PARD3: variants seen among roughly 807,000 people sequenced by gnomAD.
PARD3 encodes the protein par-3 family cell polarity regulator.
PARD3 carries 75 observed loss-of-function variants against 155.4 expected under a neutral mutation model. The observed-to-expected ratio is 0.48, with a 90% confidence interval of 0.40 to 0.58. The LOEUF is 0.58. Among genes scored for constraint, PARD3 ranks in the 20% least tolerant of loss-of-function variants. PARD3 has a pLI of 0.00. For missense variants in PARD3, 1,642 were observed against 1,721.7 expected (o/e 0.95, Z 0.82); for synonymous variants, 576 against 610.5 (o/e 0.94, Z 0.83).
intron 2 of PARD3, chr10:34,675,506 G>C (rs2093688476): frequency 6.6e-6 from 1 of 151,920 alleles, no homozygotes; most frequent in Admixed American, 6.6e-5. Flanking sequence ...GCTATAAACT[G>C]AACCTCTCAC....
intron 1 of PARD3, among the ~76,000 whole-genome samples, chr10:34,783,464 C>T (rs1420769796): frequency 6.6e-6 from 1 of 151,640 alleles, no homozygotes; most frequent in East Asian, 1.9e-4. Context: ...ATTAGCTGGG[C>T]GTGGTGGCGG....
intron 22 of PARD3, among the ~76,000 whole-genome samples, chr10:34,163,190 G>A (rs1039743190): frequency 5.3e-5 from 8 of 152,068 alleles, no homozygotes; most frequent in African/African-American, 1.7e-4. Flanking sequence ...AGGGAGTTGC[G>A]TATTCACCTA....
chr10:34,552,264 T>C (rs1168534564), intron 2 of PARD3, among the ~76,000 whole-genome samples: 1 of 152,170 alleles, frequency 6.6e-6, no homozygotes, highest in African/African-American at 2.4e-5. Context: ...TGGGCCACCA[T>C]ACTTGGCTAA....
chr10:34,814,442 A>G (rs1190625992), intron 1 of PARD3, among the ~76,000 whole-genome samples: 1 of 152,008 alleles, frequency 6.6e-6, no homozygotes, highest in Non-Finnish European at 1.5e-5. Flanking sequence ...CCTCACACCA[A>G]AAGTTCCCAG....
intron 5 of PARD3, among the ~76,000 whole-genome samples, chr10:34,421,283 T>C (rs1258786726): frequency 1.3e-5 from 2 of 151,338 alleles, no homozygotes; most frequent in Non-Finnish European, 2.9e-5. Context: ...TAAGTTATTG[T>C]ACTACTTATT....
intron 7 of PARD3, among the ~76,000 whole-genome samples, chr10:34,388,933 G>A (rs772579986): frequency 5.9e-5 from 9 of 152,058 alleles, no homozygotes; most frequent in Admixed American, 1.3e-4. Flanking sequence ...GTGGGGTGGC[G>A]CAGATTTAAG....
intron 2 of PARD3, among the ~76,000 whole-genome samples, chr10:34,565,382 C>T (rs375974786): frequency 6.8e-6 from 1 of 147,298 alleles, no homozygotes; most frequent in East Asian, 2.0e-4. Flanking sequence ...ATTCTCTTGC[C>T]TTGGCCTCTC....
intron 3 of PARD3, among the ~76,000 whole-genome samples, chr10:34,515,136 T>C (rs746085486): frequency 3.3e-5 from 5 of 152,164 alleles, no homozygotes; most frequent in African/African-American, 4.8e-5. Context: ...CACTAAGTCG[T>C]AGGCTTAATG....
chr10:34,440,596 G>A (rs761669191), intron 5 of PARD3, among the ~76,000 whole-genome samples: 18 of 152,208 alleles, frequency 1.2e-4, no homozygotes, highest in Non-Finnish European at 2.1e-4. Context: ...GACTTCCCCT[G>A]AAGGTTAATC....
chr10:34,628,824 A>G (rs574220103), intron 2 of PARD3, among the ~76,000 whole-genome samples: 27 of 152,342 alleles, frequency 1.8e-4, no homozygotes, highest in Non-Finnish European at 3.1e-4. Context: ...AAGAAAGTGG[A>G]GAGAAAAATG....
chr10:34,357,255 A>ATGTTTGC (rs1458212068), intron 14 of PARD3, among the ~76,000 whole-genome samples: 3 of 152,168 alleles, frequency 2.0e-5, no homozygotes, highest in Non-Finnish European at 1.5e-5. Flanking sequence ...GTAGCATTCA[A>ATGTTTGC]TGTTTTCTGT....
intron 1 of PARD3, among the ~76,000 whole-genome samples, chr10:34,796,531 G>A (rs1360211452): frequency 6.6e-6 from 1 of 152,124 alleles, no homozygotes; most frequent in African/African-American, 2.4e-5. Flanking sequence ...ATTCTTACAT[G>A]GACATTACTA....
intron 2 of PARD3, among the ~76,000 whole-genome samples, chr10:34,554,001 T>C (rs2084798584): frequency 6.6e-6 from 1 of 152,252 alleles, no homozygotes; most frequent in African/African-American, 2.4e-5. Context: ...AAAAATTTAC[T>C]GTGGATGTGC....
chr10:34,129,700 C>CTTTTTT lies in PARD3; in HGVS notation c.3540+1757_3540+1762dup, dbSNP rs1209547388. Reference sequence around the variant, plus strand: ...CCTTTTTTTTTGTAATGTCAAGCCTCTTTTTTTTTTTTTTTTTTGAGCCAG... The same window carrying CTTTTTT: ...CCTTTTTTTTTGTAATGTCAAGCCTCTTTTTTTTTTTTTTTTTTTTTTTTGAGCCAG... On this transcript the variant is annotated intron_variant, in intron 23 of 24. Transcript: ENST00000374788. Among the ~76,000 whole-genome samples the CTTTTTT allele has an allele frequency of 9.4e-4, 78 of 82,974 alleles. 1 individual carries two copies. The highest frequency in any genetic ancestry group is 3.2e-3 in the African/African-American group (70 of 21,636). 54.4% of individuals were successfully genotyped at this position (82,974 alleles called of 152,430 possible). A position where few individuals can be genotyped will look rare whatever the true frequency, so the allele number is the denominator to read the frequency against.
intron 5 of PARD3, among the ~76,000 whole-genome samples, chr10:34,432,041 CAAAAAA>C (rs142848273): frequency 9.1e-3 from 196 of 21,546 alleles, no homozygotes; most frequent in African/African-American, 0.021. Context: ...GACTCTGTCT[CAAAAAA>C]AAAAAAAAAA....
chr10:34,788,201 A>G (rs899207334), intron 1 of PARD3, among the ~76,000 whole-genome samples: 3 of 152,170 alleles, frequency 2.0e-5, no homozygotes, highest in African/African-American at 7.2e-5. Context: ...CACTCCATGT[A>G]ACATTCTCAG....
chr10:34,700,092 T>C (rs762980036), intron 1 of PARD3, among the ~76,000 whole-genome samples: 2 of 151,958 alleles, frequency 1.3e-5, no homozygotes, highest in African/African-American at 2.4e-5. Context: ...CAAAAGTCCA[T>C]CACACACAGC....
At chr10:34,264,433 A>T (rs1266234771) in intron 22 of PARD3, among the ~76,000 whole-genome samples, 2 of 152,234 alleles carry the variant, frequency 1.3e-5, no homozygotes, top group African/African-American at 4.8e-5. Flanking sequence ...ATGAAATAGA[A>T]ACCTGATTGC....
At chr10:34,644,370 A>ATG (rs1263941071) in intron 2 of PARD3, among the ~76,000 whole-genome samples, 2 of 152,206 alleles carry the variant, frequency 1.3e-5, no homozygotes, top group African/African-American at 2.4e-5. Context: ...CAGCAGCTAA[A>ATG]TCCCAAGGGC....
Sources: gnomAD v4.1 joint callset for allele counts (sites outside exome capture counted in the v4.1 genomes callset) on GRCh38, gnomAD v4.1.1 for gene constraint, MANE v1.5 for transcripts, NCBI Gene and HGNC (gene_info 2026-07-23, HGNC 2026-07-21) for gene names.